Variants in CSMD1 observed in about 807,000 individuals in gnomAD.
CSMD1 encodes the protein CUB and Sushi multiple domains 1, also known as CUB and sushi domain-containing protein 1.
In CSMD1, 213 loss-of-function variants were observed where a neutral mutation model predicts 417.5. The ratio of observed to expected loss-of-function variants is 0.51; its 90% CI spans 0.46 to 0.57. CSMD1 has a LOEUF of 0.57. Ranked by LOEUF, CSMD1 falls within the 20% of genes least tolerant of loss-of-function variation. The probability of loss-of-function intolerance (pLI) is 0.00; values close to 1 mark genes in which losing one functional copy is unlikely to be tolerated. For synonymous variants in CSMD1, 2,862 were observed against 1,736.8 expected (o/e 1.65, Z -16.11); for missense variants, 6,923 against 4,529.7 (o/e 1.53, Z -15.17).
chr8:3,727,072 G>A (rs559683157), intron 6 of CSMD1, among the ~76,000 whole-genome samples: 3 of 152,006 alleles, frequency 2.0e-5, no homozygotes, highest in Non-Finnish European at 4.4e-5. Context: ...TCTATATAAA[G>A]ATAATGGCAT....
intron 3 of CSMD1, among the ~76,000 whole-genome samples, chr8:4,250,375 A>C (rs1215201479): frequency 6.6e-6 from 1 of 152,168 alleles, no homozygotes; most frequent in Non-Finnish European, 1.5e-5. Context: ...CTCTGTGCAT[A>C]GTGTCCCCAA....
intron 7 of CSMD1, among the ~76,000 whole-genome samples, chr8:3,690,865 T>G (rs932814234): frequency 6.6e-6 from 1 of 152,186 alleles, no homozygotes; most frequent in Non-Finnish European, 1.5e-5. Flanking sequence ...ATTACCCAAA[T>G]ACATTGATTT....
intron 10 of CSMD1, among the ~76,000 whole-genome samples, chr8:3,494,603 G>C (rs189344679): frequency 1.5e-5 from 2 of 136,132 alleles, no homozygotes; most frequent in Admixed American, 7.5e-5. Context: ...TAGATAGATA[G>C]ATAGATGACA....
At chr8:4,164,454 G>A (rs538484970) in intron 3 of CSMD1, among the ~76,000 whole-genome samples, 2 of 152,104 alleles carry the variant, frequency 1.3e-5, no homozygotes, top group Admixed American at 6.6e-5. Flanking sequence ...AGCCTGGCAT[G>A]CTTCCCAGAA....
intron 5 of CSMD1, among the ~76,000 whole-genome samples, chr8:3,875,064 G>C (rs898819903): frequency 6.6e-6 from 1 of 152,126 alleles, no homozygotes; most frequent in South Asian, 2.1e-4. Flanking sequence ...AAGAGCAGAA[G>C]AGCGGACACA....
At position 3,851,417 on chromosome 8, in the gene CSMD1, A is replaced by G. The variant is rs186352834; in HGVS notation, c.819-97375T>C. 7.8e-3 allele frequency among the ~76,000 whole-genome samples: 1,186 copies of G among 152,300 alleles called. 18 individuals carry two copies. Among genetic ancestry groups the G allele is most frequent in the African/African-American group, 0.028 (1,154 of 41,564 alleles). On this transcript the variant is annotated intron_variant, in intron 5 of 69. Transcript: ENST00000635120. Reference sequence around the variant, plus strand: ...TGGCATGGACATATGTAGCACTACCAATTTCTCAGTGCTGAGTATTGCACT... The same window carrying G: ...TGGCATGGACATATGTAGCACTACCGATTTCTCAGTGCTGAGTATTGCACT...
intron 1 of CSMD1, among the ~76,000 whole-genome samples, chr8:4,870,821 A>C (rs1384745655): frequency 6.6e-6 from 1 of 152,108 alleles, no homozygotes; most frequent in African/African-American, 2.4e-5. Context: ...CGAGGAGTGC[A>C]TTTGCTGGCT....
intron 5 of CSMD1, among the ~76,000 whole-genome samples, chr8:3,810,041 C>A (rs1346367299): frequency 7.9e-5 from 12 of 152,300 alleles, no homozygotes; most frequent in Non-Finnish European, 1.3e-4. Flanking sequence ...TGTCTGTAGT[C>A]CTCTGTCACA....
At chr8:3,663,157 G>A (rs1362265947) in intron 7 of CSMD1, among the ~76,000 whole-genome samples, 3 of 152,136 alleles carry the variant, frequency 2.0e-5, no homozygotes, top group Non-Finnish European at 4.4e-5. Context: ...AAAAGGTTAG[G>A]AAGAAAGGCT....
rs866563156 is a variant in CSMD1, at chr8:4,019,928, A to C, written c.610+11977T>G. ...CAGTAATTCATTAAAAAAAAAAAAA[A>C]AAACCCTTTTTTTTAAGAGCTACCA... On this transcript the variant is annotated intron_variant, in intron 4 of 69. Coordinates refer to ENST00000635120, the MANE Select transcript of CSMD1 (RefSeq NM_033225.6). Among the ~76,000 whole-genome samples, 21 of 151,736 alleles carry C rather than the reference A, an allele frequency of 1.4e-4. No homozygotes were observed. The South Asian group carries it at 2.3e-3, about 17-fold the overall frequency.
chr8:3,721,660 C>A (rs1426612934), intron 6 of CSMD1, among the ~76,000 whole-genome samples: 3 of 152,150 alleles, frequency 2.0e-5, no homozygotes, highest in Non-Finnish European at 4.4e-5. Context: ...CTGTTTTCCT[C>A]CTCATGGTTT....
intron 10 of CSMD1, among the ~76,000 whole-genome samples, chr8:3,525,932 T>C (rs1414180666): frequency 2.6e-5 from 4 of 152,300 alleles, no homozygotes; most frequent in Non-Finnish European, 1.5e-5. Flanking sequence ...TCGTATTACA[T>C]GCATTGTTCT....
chr8:4,463,307 T>A (rs1022894649), intron 2 of CSMD1, among the ~76,000 whole-genome samples: 1 of 152,180 alleles, frequency 6.6e-6, no homozygotes, highest in Non-Finnish European at 1.5e-5. Context: ...AGGAGGTGTA[T>A]GGGTGTTTCA....
At chr8:3,304,813 A>G (rs535854512) in intron 25 of CSMD1, among the ~76,000 whole-genome samples, 19 of 152,198 alleles carry the variant, frequency 1.2e-4, no homozygotes, top group African/African-American at 4.6e-4. Flanking sequence ...TTGCATTTAG[A>G]GAAAGACAAT....
At chr8:3,192,349 C>G (rs897498929) in intron 33 of CSMD1, among the ~76,000 whole-genome samples, 1 of 152,180 alleles carries the variant, frequency 6.6e-6, no homozygotes, top group Non-Finnish European at 1.5e-5. Flanking sequence ...TTTGCATAAA[C>G]ATAATGAGAT....
intron 62 of CSMD1, among the ~76,000 whole-genome samples, chr8:2,960,482 T>C (rs147135324): frequency 1.5e-3 from 234 of 152,346 alleles, no homozygotes; most frequent in African/African-American, 5.4e-3. Flanking sequence ...AGTGAAGTTA[T>C]GGGAGTACTT....
intron 5 of CSMD1, among the ~76,000 whole-genome samples, chr8:3,943,321 G>C (rs1043722024): frequency 2.0e-5 from 3 of 149,298 alleles, no homozygotes; most frequent in Admixed American, 6.7e-5. Context: ...AGAACTAGAA[G>C]AGTGAAGTAT....
intron 10 of CSMD1, among the ~76,000 whole-genome samples, chr8:3,557,193 G>C (rs954922638): frequency 1.3e-5 from 2 of 152,122 alleles, no homozygotes; most frequent in Admixed American, 1.3e-4. Context: ...ATAATGTTTT[G>C]TTTCTCTGGA....
At chr8:4,466,106 TCGAG>T (rs1800150708) in intron 2 of CSMD1, among the ~76,000 whole-genome samples, 1 of 152,180 alleles carries the variant, frequency 6.6e-6, no homozygotes, top group East Asian at 1.9e-4. Flanking sequence ...ACACCAGCTC[TCGAG>T]TAAATGGGAG....
Sources: gnomAD v4.1 joint callset for allele counts (sites outside exome capture counted in the v4.1 genomes callset) on GRCh38, gnomAD v4.1.1 for gene constraint, MANE v1.5 for transcripts, NCBI Gene and HGNC (gene_info 2026-07-23, HGNC 2026-07-21) for gene names.